TAF2: variants seen among roughly 807,000 people sequenced by gnomAD.
TAF2 encodes the protein TATA-box binding protein associated factor 2, also known as transcription initiation factor TFIID subunit 2.
Under a neutral mutation model 138.5 loss-of-function variants are expected in TAF2, and 61 were observed. The ratio of observed to expected loss-of-function variants is 0.44; its 90% CI spans 0.36 to 0.54. The LOEUF (loss-of-function observed/expected upper bound fraction) is 0.54, where lower values mean the gene tolerates loss of function less well. Among genes scored for constraint, TAF2 ranks in the 20% least tolerant of loss-of-function variants. The probability of loss-of-function intolerance (pLI) is 0.00; values close to 1 mark genes in which losing one functional copy is unlikely to be tolerated. For synonymous variants in TAF2, 475 were observed against 469.9 expected, an observed-to-expected ratio of 1.01 and a Z score of -0.14; for missense variants, 1,090 against 1,427.9, an observed-to-expected ratio of 0.76 and a Z score of 3.81.
Position 119,789,669 on chromosome 8 carries a change from C to G in TAF2, c.1491G>C (p.Leu497Phe). Reference sequence around the variant, plus strand: ...ATTTCAAAAACCCAGATGTGGAAACCAACATCTGACTCCACATATGTGACT... The same window carrying G: ...ATTTCAAAAACCCAGATGTGGAAACGAACATCTGACTCCACATATGTGACT... The part of the protein sequence containing the change: ...KFQSHMWSQM[L>F]VSTSGFLKSI... Residue 497 changes from leucine to phenylalanine, a missense_variant, in exon 12 of 26, where the codon TTG becomes TTC. Coordinates refer to ENST00000378164, the MANE Select transcript of TAF2 (RefSeq NM_003184.4). The G allele has an allele frequency of 6.2e-7, 1 of 1,613,806 alleles. No homozygotes were observed. Among genetic ancestry groups the G allele is most frequent in the Non-Finnish European group, 8.5e-7 (1 of 1,179,934 alleles).
At chr8:119,811,245 GAATT>G (rs557042686) in intron 3 of TAF2, among the ~76,000 whole-genome samples, 2 of 151,520 alleles carry the variant, frequency 1.3e-5, no homozygotes, top group South Asian at 4.3e-4. Context: ...TATCCATATT[GAATT>G]AATATGATAA....
chr8:119,814,953 A>G (rs1486308495), intron 3 of TAF2, among the ~76,000 whole-genome samples: 10 of 150,106 alleles, frequency 6.7e-5, no homozygotes, highest in Non-Finnish European at 1.2e-4. Context: ...TCAAAGTGGC[A>G]AAGCCTGGCC....
chr8:119,751,227 A>G (rs1820327854), intron 22 of TAF2, among the ~76,000 whole-genome samples: 1 of 152,174 alleles, frequency 6.6e-6, no homozygotes, highest in African/African-American at 2.4e-5. Context: ...TGGAAGAGGA[A>G]AATTATTTCT....
chr8:119,742,574 T>G lies in TAF2; in HGVS notation c.3297A>C (p.Thr1099=). The G allele has an allele frequency of 6.2e-7, 1 of 1,614,016 alleles. No individual in the cohort carries two copies. The highest frequency in any genetic ancestry group is 8.5e-7 in the Non-Finnish European group (1 of 1,179,968). ...CAAGTTCCAAACTCCACTGGGGTTT[T>G]GTGGTGGGTGTGCTGTCACAGCCTG... The part of the protein sequence containing the change: ...HSAGCDSTPT[T]KPQWSLELAR... Residue 1099 remains threonine (T), a synonymous_variant, in exon 25 of 26, where the codon ACA becomes ACC. Transcript: ENST00000378164.
chr8:119,830,336 T>C (rs1826367149), intron 2 of TAF2, among the ~76,000 whole-genome samples: 1 of 152,186 alleles, frequency 6.6e-6, no homozygotes, highest in Non-Finnish European at 1.5e-5. Flanking sequence ...TTACATATAT[T>C]AATGGCTAAA....
intron 17 of TAF2, 52 bp from the exon 18 acceptor site, chr8:119,778,181 A>G: frequency 9.3e-7 from 1 of 1,077,170 alleles, no homozygotes; most frequent in Non-Finnish European, 1.4e-6. Context: ...ACTTTTTGTT[A>G]CTACAATTCA....
chr8:119,830,180 G>C (rs1264295676), intron 2 of TAF2, among the ~76,000 whole-genome samples: 1 of 152,000 alleles, frequency 6.6e-6, no homozygotes, highest in Non-Finnish European at 1.5e-5. Context: ...CTACAGGTGT[G>C]AGCCACCGTG....
chr8:119,780,435 G>A (rs567063584), intron 17 of TAF2, among the ~76,000 whole-genome samples: 184 of 152,298 alleles, frequency 1.2e-3, no homozygotes, highest in African/African-American at 3.1e-3. Flanking sequence ...AGAGCTCTAT[G>A]CTGTGCTGTC....
rs1818914965 is a variant in TAF2 at position 119,732,121 on chromosome 8, TA to T, written c.3402del (p.Phe1134LeufsTer83). 6.2e-7 allele frequency: 1 copy of T among 1,614,080 alleles called. No homozygotes were observed. The highest frequency in any genetic ancestry group is 1.3e-5 in the African/African-American group (1 of 74,934). ...HPAASAPLSV[F>X]TKESTASKHS... ...TGTTTGGAGGCTGTAGATTCCTTAGTAAAGACTGAGAGTGGAGCGCTTGCCG... is the reference window on the plus strand; with the variant it reads ...TGTTTGGAGGCTGTAGATTCCTTAGTAAGACTGAGAGTGGAGCGCTTGCCG... On this transcript the variant is annotated frameshift_variant, in exon 26 of 26. Transcript: ENST00000378164. LOFTEE classifies it high-confidence loss of function.
At chr8:119,782,645 C>A (rs1403323472) in intron 16 of TAF2, among the ~76,000 whole-genome samples, 1 of 152,272 alleles carries the variant, frequency 6.6e-6, no homozygotes, top group East Asian at 1.9e-4. Flanking sequence ...AACATTATTT[C>A]TGGACAAAGT....
intron 9 of TAF2, among the ~76,000 whole-genome samples, chr8:119,795,196 T>C (rs1053632012): frequency 3.9e-5 from 6 of 152,176 alleles, no homozygotes; most frequent in Non-Finnish European, 8.8e-5. Flanking sequence ...TTGCCCTCCT[T>C]AAACAGAGAC....
intron 20 of TAF2, among the ~76,000 whole-genome samples, chr8:119,760,189 T>C (rs79341476): frequency 0.018 from 2,814 of 152,262 alleles, 87 homozygotes; most frequent in African/African-American, 0.064. Flanking sequence ...CTTATGTTTT[T>C]TCTATATTCA....
At position 119,744,341 on chromosome 8, in the gene TAF2, CTATCATGAACAG is replaced by C; in HGVS notation, c.3149_3160del (p.Thr1050_Asp1053del). The C allele has an allele frequency of 1.2e-6, 2 of 1,613,756 alleles. No individual in the cohort carries two copies. The highest frequency in any genetic ancestry group is 1.7e-6 in the Non-Finnish European group (2 of 1,179,902). ...TAAATGATGGGAAATGAAGGCCTGGCTATCATGAACAGTATCCATATCAATCTCCTCCTCATC... is the reference window on the plus strand; with the variant it reads ...TAAATGATGGGAAATGAAGGCCTGGCTATCCATATCAATCTCCTCCTCATC... On this transcript the variant is annotated inframe_deletion, in exon 24 of 26. Transcript: ENST00000378164.
intron 22 of TAF2, among the ~76,000 whole-genome samples, chr8:119,749,683 C>CA (rs1324985383): frequency 6.6e-6 from 1 of 152,158 alleles, no homozygotes; most frequent in Non-Finnish European, 1.5e-5. Flanking sequence ...AGACTCCCCT[C>CA]ATCAGGTCTA....
chr8:119,818,732 C>A (rs1326750931), intron 3 of TAF2, among the ~76,000 whole-genome samples: 1 of 110,900 alleles, frequency 9.0e-6, no homozygotes, highest in African/African-American at 4.7e-5. Context: ...AAAATGAAGT[C>A]CACACACACA....
At chr8:119,830,365 A>G (rs1398724037) in intron 2 of TAF2, among the ~76,000 whole-genome samples, 1 of 152,136 alleles carries the variant, frequency 6.6e-6, no homozygotes, top group African/African-American at 2.4e-5. Flanking sequence ...CACTAATTCA[A>G]TCATGTCAAC....
At chr8:119,759,599 T>C (rs1358586179) in intron 20 of TAF2, among the ~76,000 whole-genome samples, 3 of 152,186 alleles carry the variant, frequency 2.0e-5, no homozygotes, top group Admixed American at 6.5e-5. Context: ...CATTACATTT[T>C]ACAACCAGTT....
At chr8:119,803,755 G>A in intron 5 of TAF2, 123 bp downstream of exon 5, 1 of 981,296 alleles carries the variant, frequency 1.0e-6, no homozygotes, top group South Asian at 1.8e-5. Flanking sequence ...TAATTTGAAA[G>A]AAGTCTAAAT....
At chr8:119,822,117 C>T (rs4870956) in intron 2 of TAF2, among the ~76,000 whole-genome samples, 91,125 of 151,940 alleles carry the variant, frequency 0.6, 27,584 homozygotes, top group Middle Eastern at 0.76. Context: ...TTCTTTTCTG[C>T]TTATCCTTTG....
Sources: allele counts gnomAD v4.1 joint callset (sites outside exome capture counted in the v4.1 genomes callset), GRCh38; gene constraint gnomAD v4.1.1; transcripts MANE v1.5; gene names NCBI Gene and HGNC (gene_info 2026-07-23, HGNC 2026-07-21).